The following PDE10A variants were observed in gnomAD, a reference collection of about 807,000 sequenced individuals.
PDE10A encodes cAMP and cAMP-inhibited cGMP 3',5'-cyclic phosphodiesterase 10A.
A neutral mutation model predicts 97.7 loss-of-function variants in PDE10A; 39 were observed. The ratio of observed to expected loss-of-function variants is 0.40; its 90% CI spans 0.31 to 0.52. The LOEUF (loss-of-function observed/expected upper bound fraction) is 0.52, where lower values mean the gene tolerates loss of function less well. Among genes scored for constraint, PDE10A ranks in the 20% least tolerant of loss-of-function variants. The pLI is 0.56. For synonymous variants in PDE10A, 371 were observed against 376.8 expected, an observed-to-expected ratio of 0.98 and a Z score of 0.18; for missense variants, 731 against 1,047.8, an observed-to-expected ratio of 0.70 and a Z score of 4.17.
At chr6:165,393,299 C>A (rs183547271) in intron 15 of PDE10A, among the ~76,000 whole-genome samples, 1 of 152,030 alleles carries the variant, frequency 6.6e-6, no homozygotes, top group Non-Finnish European at 1.5e-5. Context: ...GTTTATTACA[C>A]ACTCAAATTA....
At chr6:165,496,290 C>G (rs1451249413) in intron 2 of PDE10A, among the ~76,000 whole-genome samples, 1 of 152,190 alleles carries the variant, frequency 6.6e-6, no homozygotes, top group African/African-American at 2.4e-5. Context: ...AATAAGCCCA[C>G]TGATCTCTCT....
At chr6:165,917,264 C>G (rs972158653) in intron 1 of PDE10A, among the ~76,000 whole-genome samples, 1 of 152,148 alleles carries the variant, frequency 6.6e-6, no homozygotes, top group Non-Finnish European at 1.5e-5. Flanking sequence ...TCTTCCTGCT[C>G]CGAGGCCAGG....
At position 165,500,796 on chromosome 6, in the gene PDE10A, C is replaced by CG. The variant is rs373464712; in HGVS notation, c.995-18454dup. Among the ~76,000 whole-genome samples, 22 of 152,100 alleles carry CG rather than the reference C, an allele frequency of 1.4e-4. No homozygotes were observed. The East Asian group carries it at 4.1e-3, about 28-fold the overall frequency. ...TGTCTCCAGGGGCAATAGAATGTCT[C>CG]GGTGTAAAACCCGATTGTATGTTCT... On this transcript the variant is annotated intron_variant, in intron 2 of 21. Coordinates refer to ENST00000539869, the MANE Select transcript of PDE10A (RefSeq NM_001385079.1).
At chr6:165,745,293 C>G (rs1329031379) in intron 1 of PDE10A, among the ~76,000 whole-genome samples, 1 of 152,128 alleles carries the variant, frequency 6.6e-6, no homozygotes, top group Non-Finnish European at 1.5e-5. Context: ...TTGCCCCTTG[C>G]CCCTCACACT....
Position 165,655,900 on chromosome 6 carries a change from G to C in PDE10A, c.865+6047C>G, listed in dbSNP as rs2128427990. 6.6e-6 allele frequency among the ~76,000 whole-genome samples: 1 copy of C among 152,120 alleles called. No individual in the cohort carries two copies. The highest frequency in any genetic ancestry group is 1.5e-5 in the Non-Finnish European group (1 of 67,994). On this transcript the variant is annotated intron_variant, in intron 1 of 21. Transcript: ENST00000539869. The surrounding 1 kb of genome is among the most constrained non-coding windows in gnomAD (Gnocchi z 4.5). ...CTGCCTTGTGAGCCCCCTCTGCCTA[G>C]GGTGCTTTTCCCCAGATAACTGCAT... is the stretch of plus-strand genomic sequence containing the variant.
chr6:165,758,479 AAGAAAGG>A (rs984316813), intron 1 of PDE10A, among the ~76,000 whole-genome samples: 8 of 118,174 alleles, frequency 6.8e-5, no homozygotes, highest in African/African-American at 1.6e-4. Context: ...AAGAAGAAAG[AAGAAAGG>A]AGAAAGAAGA....
At chr6:165,792,938 C>T (rs1461948556) in intron 1 of PDE10A, among the ~76,000 whole-genome samples, 2 of 152,154 alleles carry the variant, frequency 1.3e-5, no homozygotes, top group Non-Finnish European at 2.9e-5. Context: ...CTGGTGGGGT[C>T]AAGGCCGGCA....
chr6:165,390,237 C>T (rs1447401338), intron 16 of PDE10A, among the ~76,000 whole-genome samples: 2 of 152,172 alleles, frequency 1.3e-5, no homozygotes, highest in Non-Finnish European at 2.9e-5. Flanking sequence ...GCCGAATGTC[C>T]CGGGATTCGA....
chr6:165,473,958 T>C (rs1351438110), intron 3 of PDE10A, among the ~76,000 whole-genome samples: 1 of 152,198 alleles, frequency 6.6e-6, no homozygotes, highest in Non-Finnish European at 1.5e-5. Context: ...AATGAACAGA[T>C]TCATACAGAA....
intron 13 of PDE10A, among the ~76,000 whole-genome samples, chr6:165,408,599 T>A (rs978460299): frequency 1.3e-5 from 2 of 152,144 alleles, no homozygotes; most frequent in Non-Finnish European, 2.9e-5. Flanking sequence ...TTGGAGCTAT[T>A]TTCTTTTATT....
chr6:165,563,751 C>A (rs1784638342), intron 1 of PDE10A, among the ~76,000 whole-genome samples: 1 of 151,944 alleles, frequency 6.6e-6, no homozygotes, highest in Admixed American at 6.6e-5. Context: ...ATTAGCCAGA[C>A]ATGGTGGTGT....
chr6:165,809,138 A>G (rs1328263265), intron 1 of PDE10A, among the ~76,000 whole-genome samples: 1 of 152,182 alleles, frequency 6.6e-6, no homozygotes, highest in Non-Finnish European at 1.5e-5. Context: ...GCAGAGAACC[A>G]CGTTCTCTGA....
chr6:165,749,365 TCATCAC>T (rs1792932910), intron 1 of PDE10A, among the ~76,000 whole-genome samples: 4 of 136,886 alleles, frequency 2.9e-5, no homozygotes, highest in African/African-American at 5.6e-5. Context: ...ACCATCACCA[TCATCAC>T]CATCACCACC....
chr6:165,932,538 A>G (rs148993403), intron 1 of PDE10A, among the ~76,000 whole-genome samples: 6,637 of 152,152 alleles, frequency 0.044, 201 homozygotes, highest in Non-Finnish European at 0.061. Flanking sequence ...GTTTCACCAT[A>G]TTGGTCAGGC....
intron 1 of PDE10A, among the ~76,000 whole-genome samples, chr6:165,849,398 G>A (rs1014578793): frequency 8.5e-5 from 13 of 152,200 alleles, no homozygotes; most frequent in African/African-American, 2.9e-4. Context: ...TGGAATAGGA[G>A]ATTACAACTG....
intron 1 of PDE10A, among the ~76,000 whole-genome samples, chr6:165,929,627 G>A (rs1783060348): frequency 6.6e-6 from 1 of 152,196 alleles, no homozygotes; most frequent in South Asian, 2.1e-4. Context: ...AAATCATGAA[G>A]TCGAAAGCAT....
intron 1 of PDE10A, among the ~76,000 whole-genome samples, chr6:165,719,140 T>G (rs760041185): frequency 6.6e-6 from 1 of 151,868 alleles, no homozygotes; most frequent in South Asian, 2.1e-4. Flanking sequence ...TAAGAAACTT[T>G]GAGGATTAAT....
At chr6:165,953,968 C>T (rs1295606920) in intron 1 of PDE10A, among the ~76,000 whole-genome samples, 1 of 152,216 alleles carries the variant, frequency 6.6e-6, no homozygotes, top group Non-Finnish European at 1.5e-5. Flanking sequence ...TTAATGTCTC[C>T]ATAGTTTCAT....
intron 1 of PDE10A, among the ~76,000 whole-genome samples, chr6:165,564,784 G>A (rs9356371): frequency 0.16 from 23,986 of 152,120 alleles, 2,932 homozygotes; most frequent in African/African-American, 0.33. Context: ...CTTATAAAAT[G>A]GAAATAACAA....
Sources: allele counts gnomAD v4.1 joint callset (sites outside exome capture counted in the v4.1 genomes callset), GRCh38; gene constraint gnomAD v4.1.1; non-coding constraint Gnocchi (gnomAD v3.1); transcripts MANE v1.5; gene names NCBI Gene and HGNC (gene_info 2026-07-23, HGNC 2026-07-21).